Variants in PPEF1 observed in about 807,000 individuals in gnomAD.
PPEF1 encodes the protein serine/threonine-protein phosphatase with EF-hands 1.
A neutral mutation model predicts 53.3 loss-of-function variants in PPEF1; 12 were observed. That is an observed-to-expected ratio of 0.23 (90% CI 0.14 to 0.36). The LOEUF (loss-of-function observed/expected upper bound fraction) is 0.36, where lower values mean the gene tolerates loss of function less well. Ranked by LOEUF, PPEF1 falls within the 10% of genes least tolerant of loss-of-function variation. The probability of loss-of-function intolerance (pLI) is 1.00; values close to 1 mark genes in which losing one functional copy is unlikely to be tolerated. For synonymous variants in PPEF1, 165 were observed against 176.7 expected (o/e 0.93, Z 0.52); for missense variants, 334 against 490.4 (o/e 0.68, Z 3.01).
At chrX:18,697,127 A>G (rs1929773225) in intron 4 of PPEF1, among the ~76,000 whole-genome samples, 3 of 111,993 alleles carry the variant, frequency 2.7e-5, no homozygotes, top group Admixed American at 9.5e-5. Flanking sequence ...GTCTTTCCAT[A>G]GTTTGCTATT....
At chrX:18,804,689 G>A (rs2046623157) in intron 11 of PPEF1, among the ~76,000 whole-genome samples, 1 of 112,288 alleles carries the variant, frequency 8.9e-6, no homozygotes, top group Admixed American at 9.5e-5. Context: ...CCCATACAGT[G>A]GGGTTGAGAA....
At chrX:18,706,139 G>A (rs965710260), upstream of PPEF1, among the ~76,000 whole-genome samples, 1 of 103,479 alleles carries the variant, frequency 9.7e-6, no homozygotes, top group African/African-American at 3.6e-5. Flanking sequence ...CACGGCACAT[G>A]CTTGGGAGGT....
At chrX:18,768,367 A>G (rs1032060582) in intron 6 of PPEF1, among the ~76,000 whole-genome samples, 2 of 112,235 alleles carry the variant, frequency 1.8e-5, no homozygotes, top group Admixed American at 1.9e-4. Context: ...TTTGCTAGAC[A>G]CTTTCTTCCT....
chrX:18,788,087 C>T (rs1047034806), intron 9 of PPEF1, among the ~76,000 whole-genome samples: 6 of 111,405 alleles, frequency 5.4e-5, no homozygotes, highest in Admixed American at 1.9e-4. Flanking sequence ...GAGGCCAAGG[C>T]GGGCGGATCA....
intron 12 of PPEF1, among the ~76,000 whole-genome samples, chrX:18,813,572 C>G (rs2046850530): frequency 9.0e-6 from 1 of 110,560 alleles, no homozygotes; most frequent in Admixed American, 9.7e-5. Context: ...TATAATCATC[C>G]TGGCTAAAAC....
At chrX:18,807,306 C>T (rs764047259) in intron 12 of PPEF1, among the ~76,000 whole-genome samples, 2 of 112,277 alleles carry the variant, frequency 1.8e-5, no homozygotes, top group Non-Finnish European at 3.8e-5. Context: ...ACTGGGATTA[C>T]AGGCATGAGC....
intron 6 of PPEF1, among the ~76,000 whole-genome samples, chrX:18,701,992 G>T (rs1252265368): frequency 8.9e-6 from 1 of 111,784 alleles, no homozygotes; most frequent in Non-Finnish European, 1.9e-5. Context: ...GACCCAGGAA[G>T]AATCACCAGC....
intron 6 of PPEF1, among the ~76,000 whole-genome samples, chrX:18,776,780 C>T (rs1043208769): frequency 4.5e-5 from 5 of 110,930 alleles, no homozygotes; most frequent in African/African-American, 9.8e-5. Flanking sequence ...ATTAGCCAGG[C>T]GTGGTGGCAG....
chrX:18,792,427 GTTTCATTTCCTGAAACAAATTTA>G (rs1311481701), intron 10 of PPEF1, among the ~76,000 whole-genome samples: 11 of 110,986 alleles, frequency 9.9e-5, no homozygotes, highest in African/African-American at 3.3e-4. Context: ...CTTGGAATTT[GTTTCATTTCCTGAAACAAATTTA>G]TTTCATGAAA....
chrX:18,814,457 C>T (rs980868013), intron 12 of PPEF1, among the ~76,000 whole-genome samples: 3 of 111,926 alleles, frequency 2.7e-5, no homozygotes, highest in African/African-American at 9.7e-5. Context: ...GCATTTACAC[C>T]AGCGGTGTAT....
At chrX:18,722,015 C>T (rs1242287436) in intron 1 of PPEF1, among the ~76,000 whole-genome samples, 1 of 112,259 alleles carries the variant, frequency 8.9e-6, no homozygotes, top group Non-Finnish European at 1.9e-5. Flanking sequence ...AGGTGTCTGC[C>T]TTGCTTGCTG....
chrX:18,680,091 A>G (rs1928819732), upstream of PPEF1, among the ~76,000 whole-genome samples: 1 of 95,189 alleles, frequency 1.1e-5, no homozygotes, highest in Non-Finnish European at 2.2e-5. Flanking sequence ...CCTGTCCTCA[A>G]AAAAAAAAAA....
At chrX:18,812,017 A>G (rs1426659233) in intron 12 of PPEF1, among the ~76,000 whole-genome samples, 1 of 111,088 alleles carries the variant, frequency 9.0e-6, no homozygotes, top group Non-Finnish European at 1.9e-5. Flanking sequence ...GATGAAATCC[A>G]ATTTATGTGC....
intron 12 of PPEF1, among the ~76,000 whole-genome samples, chrX:18,811,512 T>C (rs6629298): frequency 0.027 from 2,899 of 108,448 alleles, 103 homozygotes; most frequent in African/African-American, 0.092. Flanking sequence ...TTCAGGTACA[T>C]TTTCCATTTT....
intron 13 of PPEF1, among the ~76,000 whole-genome samples, chrX:18,823,040 A>G (rs1397563408): frequency 9.0e-6 from 1 of 111,719 alleles, no homozygotes; most frequent in Non-Finnish European, 1.9e-5. Context: ...TTGGCACAAG[A>G]ATACCCATAT....
At chrX:18,766,459 T>C (rs749674822) in intron 6 of PPEF1, among the ~76,000 whole-genome samples, 1 of 111,817 alleles carries the variant, frequency 8.9e-6, no homozygotes, top group African/African-American at 3.2e-5. Context: ...ACCCCACCTA[T>C]CCCAATGTCA....
chrX:18,709,654 C>T (rs887222608), intron 1 of PPEF1, among the ~76,000 whole-genome samples: 1 of 109,825 alleles, frequency 9.1e-6, no homozygotes, highest in South Asian at 4.0e-4. Flanking sequence ...CACACCACCA[C>T]ACCTAGCTAA....
At position 18,779,069 on chromosome X, in the gene PPEF1, A is replaced by G; in HGVS notation, c.618A>G (p.Gly206=). 2 of 1,201,919 alleles carry G rather than the reference A, an allele frequency of 1.7e-6. No individual in the cohort carries two copies. The highest frequency in any genetic ancestry group is 2.3e-6 in the Non-Finnish European group (2 of 887,711). ...TTAATGGTGACTTTGTAGATCGAGG[A>G]AAGAATTCCATAGAGATCCTAATGA... The part of the protein sequence containing the change: ...YVFNGDFVDR[G]KNSIEILMIL... Residue 206 remains glycine (G), a synonymous_variant, in exon 7 of 16, where the codon GGA becomes GGG. Transcript: ENST00000470157.
chrX:18,758,617 A>G (rs761340483), intron 5 of PPEF1, among the ~76,000 whole-genome samples: 25 of 111,282 alleles, frequency 2.2e-4, no homozygotes, highest in African/African-American at 8.2e-4. Context: ...CAGCCTCATC[A>G]GGCATCACGT....
Sources: allele counts gnomAD v4.1 joint callset (sites outside exome capture counted in the v4.1 genomes callset), GRCh38; gene constraint gnomAD v4.1.1; transcripts MANE v1.5; gene names NCBI Gene and HGNC (gene_info 2026-07-23, HGNC 2026-07-21).